The following CACNA1I variants were observed in gnomAD, a reference collection of about 807,000 sequenced individuals.
CACNA1I encodes voltage-dependent T-type calcium channel subunit alpha-1I.
CACNA1I carries 74 observed loss-of-function variants against 201.6 expected under a neutral mutation model. The observed-to-expected ratio is 0.37, with a 90% CI of 0.30 to 0.45. CACNA1I has a LOEUF of 0.45. Among genes scored for constraint, CACNA1I ranks in the 20% least tolerant of loss-of-function variants. The pLI is 1.00. For missense variants in CACNA1I, 2,346 were observed against 3,138.1 expected (o/e 0.75, Z 6.03); for synonymous variants, 1,431 against 1,345.2 (o/e 1.06, Z -1.40).
In CACNA1I at chr22:39,679,425, C is replaced by T. The variant is rs1273184900; in HGVS notation, c.5374C>T (p.Arg1792Cys). The change falls in exon 32 of 37, where the codon CGC (arginine) becomes TGC (cysteine). Residue 1792 changes from arginine (R) to cysteine (C), a missense_variant. Around this residue, in one of 13 missense-constraint regions of CACNA1I, gnomAD observed 441 missense variants for 555.6 expected, o/e 0.79. Transcript: ENST00000402142. ...GGDTEGGLCR[R>C]CYSPAQENLW... ...CGACACCGAGGGCGGCTTGTGCCGG[C>T]GCTGCTACTCGCCTGCCCAGGTGGG... is the stretch of plus-strand genomic sequence containing the variant. 37 of 1,424,560 alleles carry T rather than the reference C, an allele frequency of 2.6e-5. No individual in the cohort carries two copies. Among genetic ancestry groups the T allele is most frequent in the Non-Finnish European group, 3.0e-5 (33 of 1,102,088 alleles). The allele number at this position is 1,424,560 out of a possible 1,614,324, so 88.2% of individuals were successfully genotyped here. A position where few individuals can be genotyped will look rare whatever the true frequency, so the allele number is the denominator to read the frequency against.
intron 1 of CACNA1I, among the ~76,000 whole-genome samples, chr22:39,581,000 C>T (rs1932529588): frequency 6.6e-6 from 1 of 152,166 alleles, no homozygotes; most frequent in Non-Finnish European, 1.5e-5. Context: ...CGGTGGTGAC[C>T]CTAAGGAGTC....
At position 39,649,424 on chromosome 22, in the gene CACNA1I, G is replaced by A. The variant is rs914913371; in HGVS notation, c.1568-77G>A. Reference sequence around the variant, plus strand: ...AGACCTGTGGGCCTGGGAGCCAAGCGCACTCAGGGATGTGTCCCAGGGTGG... The same window carrying A: ...AGACCTGTGGGCCTGGGAGCCAAGCACACTCAGGGATGTGTCCCAGGGTGG... On this transcript the variant is annotated intron_variant, in intron 9 of 36. Transcript: ENST00000402142. The surrounding 1 kb of genome is among the most constrained non-coding windows in gnomAD (Gnocchi z 7.3). 7 of 1,373,084 alleles carry A rather than the reference G, an allele frequency of 5.1e-6. No homozygotes were observed. Among genetic ancestry groups the A allele is most frequent in the African/African-American group, 3.0e-5 (2 of 66,188 alleles). The allele number at this position is 1,373,084 out of a possible 1,614,324, so 85.1% of individuals were successfully genotyped here.
intron 26 of CACNA1I, among the ~76,000 whole-genome samples, chr22:39,671,929 G>A (rs1004491446): frequency 6.6e-6 from 1 of 152,154 alleles, no homozygotes; most frequent in Non-Finnish European, 1.5e-5. Flanking sequence ...AGGCAGTCTG[G>A]CTCAGTAGCT....
At chr22:39,585,699 T>TAAA (rs577223485) in intron 1 of CACNA1I, among the ~76,000 whole-genome samples, 2 of 90,434 alleles carry the variant, frequency 2.2e-5, no homozygotes, top group Non-Finnish European at 2.2e-5. Flanking sequence ...GCTGTAAACT[T>TAAA]AAAAAAAAAA....
At position 39,654,736 on chromosome 22, in the gene CACNA1I, G is replaced by A. The variant is rs947153513; in HGVS notation, c.1993-3416G>A. On this transcript the variant is annotated intron_variant, in intron 10 of 36. Coordinates refer to ENST00000402142, the MANE Select transcript of CACNA1I (RefSeq NM_021096.4). Reference sequence around the variant, plus strand: ...GGTGATGGCACTGGGGACGGATCCCGAAGGATGACTAGGAGTTCATCAGCG... The same window carrying A: ...GGTGATGGCACTGGGGACGGATCCCAAAGGATGACTAGGAGTTCATCAGCG... Among the ~76,000 whole-genome samples, 10 of 152,094 alleles carry A rather than the reference G, an allele frequency of 6.6e-5. 1 individual carries two copies. The highest frequency in any genetic ancestry group is 5.9e-4 in the Admixed American group (9 of 15,274).
chr22:39,678,996 G>C, intron 31 of CACNA1I, 111 bp from the exon 32 acceptor site: 1 of 795,670 alleles, frequency 1.3e-6, no homozygotes, highest in African/African-American at 1.7e-5. Flanking sequence ...GCCATCTCGG[G>C]GGTTGAATCT....
Position 39,649,637 on chromosome 22 carries a change from C to T in CACNA1I, c.1704C>T (p.Gly568=), listed in dbSNP as rs1206222878. 2.3e-5 allele frequency: 35 copies of T among 1,527,550 alleles called. 1 individual carries two copies. Among genetic ancestry groups the T allele is most frequent in the Middle Eastern group, 2.0e-4 (1 of 4,906 alleles). The allele number at this position is 1,527,550 out of a possible 1,614,324, so 94.6% of individuals were successfully genotyped here. ...HEDGRRPSGL[G]STDSGQEGSG... Reference sequence around the variant, plus strand: ...ACGGCCGGCGGCCCTCGGGCCTGGGCAGCACCGACTCGGGCCAGGAGGGCT... The same window carrying T: ...ACGGCCGGCGGCCCTCGGGCCTGGGTAGCACCGACTCGGGCCAGGAGGGCT... The change falls in exon 10 of 37, where the codon GGC becomes GGT. Residue 568 remains glycine, a synonymous_variant. Transcript: ENST00000402142. This position sits in a 1 kb window ranked among gnomAD's most constrained non-coding sequence, Gnocchi z 7.3.
rs772153082 is a variant in CACNA1I, at chr22:39,619,370, C to T, written c.543C>T (p.Arg181=). The part of the protein sequence containing the change: ...NINLSAIRTV[R]VLRPLKAINR... ...ACCTGTCAGCCATCCGCACCGTGCG[C>T]GTCCTGAGGCCCCTCAAAGCCATCA... is the stretch of plus-strand genomic sequence containing the variant. Residue 181 remains arginine, a synonymous_variant, in exon 4 of 37, where the codon CGC becomes CGT. Transcript: ENST00000402142. 20 of 1,609,424 alleles carry T rather than the reference C, an allele frequency of 1.2e-5. 1 individual carries two copies. The highest frequency in any genetic ancestry group is 5.5e-5 in the South Asian group (5 of 91,092).
intron 2 of CACNA1I, among the ~76,000 whole-genome samples, chr22:39,598,671 A>G (rs1406792187): frequency 6.6e-6 from 1 of 151,998 alleles, no homozygotes; most frequent in Non-Finnish European, 1.5e-5. Context: ...TACAACCTGC[A>G]CTTCGTCCCC....
chr22:39,627,601 C>T (rs1217550874), intron 4 of CACNA1I, among the ~76,000 whole-genome samples: 2 of 152,254 alleles, frequency 1.3e-5, no homozygotes, highest in Non-Finnish European at 2.9e-5. Flanking sequence ...CTCAGGATTC[C>T]TTCTTGGAAG....
rs1044927681 is a variant in CACNA1I at position 39,666,302 on chromosome 22, A to G, written c.4104+296A>G. 6.6e-6 allele frequency among the ~76,000 whole-genome samples: 1 copy of G among 151,614 alleles called. No homozygotes were observed. Among genetic ancestry groups the G allele is most frequent in the African/African-American group, 2.4e-5 (1 of 41,296 alleles). On this transcript the variant is annotated intron_variant, in intron 23 of 36. Coordinates refer to ENST00000402142, the MANE Select transcript of CACNA1I (RefSeq NM_021096.4). The surrounding 1 kb of genome is among the most constrained non-coding windows in gnomAD (Gnocchi z 4.1). ...CCCAGGGACCCCTGACAGGAGTTTT[A>G]GAATCAAGCAGTCCTGGAGGTGAAT...
chr22:39,601,205 C>T (rs1446227292), intron 3 of CACNA1I, among the ~76,000 whole-genome samples: 2 of 152,216 alleles, frequency 1.3e-5, no homozygotes, highest in African/African-American at 4.8e-5. Flanking sequence ...TGCATTCATC[C>T]ATCAACCAGG....
Position 39,686,232 on chromosome 22 carries a change from G to A in CACNA1I, c.6499G>A (p.Ala2167Thr). The change falls in exon 37 of 37, where the codon GCC (alanine) becomes ACC (threonine). Residue 2167 changes from alanine to threonine, a missense_variant. This residue lies in a region of CACNA1I where 187 missense variants were observed against 151.0 expected (regional missense o/e 1.24). Coordinates refer to ENST00000402142, the MANE Select transcript of CACNA1I (RefSeq NM_021096.4). ...CCTGGCCGCCCCCGGCCGCCCCCAC[G>A]CCGCCGCCCTGGCCCACGGCCTGGC... Reference protein sequence around the residue: ...SSLAAPGRPHAAALAHGLARS... With the variant: ...SSLAAPGRPHTAALAHGLARS... The A allele has an allele frequency of 8.1e-7, 1 of 1,232,464 alleles. No homozygotes were observed. Among genetic ancestry groups the A allele is most frequent in the Non-Finnish European group, 1.0e-6 (1 of 993,162 alleles). The allele number at this position is 1,232,464 out of a possible 1,614,324, so 76.3% of individuals were successfully genotyped here. A position where few individuals can be genotyped will look rare whatever the true frequency, so the allele number is the denominator to read the frequency against.
chr22:39,594,976 G>T (rs1045398023), intron 1 of CACNA1I, among the ~76,000 whole-genome samples: 4 of 152,188 alleles, frequency 2.6e-5, no homozygotes, highest in Admixed American at 6.5e-5. Context: ...TGTAAGAGAT[G>T]AGTAGCAACC....
In CACNA1I at chr22:39,679,850, T is replaced by G. The variant is rs1213081397; in HGVS notation, c.5523T>G (p.Cys1841Trp). 6.2e-7 allele frequency: 1 copy of G among 1,612,460 alleles called. No homozygotes were observed. The highest frequency in any genetic ancestry group is 1.3e-5 in the African/African-American group (1 of 75,016). The change falls in exon 33 of 37, where the codon TGT (cysteine) becomes TGG (tryptophan). Residue 1841 changes from cysteine to tryptophan, a missense_variant. Physicochemically the swap from Cys to Trp is radical, Grantham distance 215. Around this residue, in one of 13 missense-constraint regions of CACNA1I, gnomAD observed 441 missense variants for 555.6 expected, o/e 0.79. Transcript: ENST00000402142. ...HYSSPAGCKK[C>W]HHDKQEVQLA... ...CCTCGCCTGCCGGCTGCAAGAAGTG[T>G]CACCACGACAAGCAAGAGGTAATGG...
rs966723074 is a variant in CACNA1I, at chr22:39,686,516, C to T, written c.*111C>T. ...TCCACACCTGGGATCGCGCAGGGCC[C>T]GCAGGGCACAGGCGCCCGACAGCCG... On this transcript the variant is annotated 3_prime_UTR_variant, in exon 37 of 37. Transcript: ENST00000402142. 3.5e-5 allele frequency: 30 copies of T among 866,738 alleles called. No individual in the cohort carries two copies. Among genetic ancestry groups the T allele is most frequent in the Non-Finnish European group, 4.1e-5 (27 of 666,428 alleles). 53.7% of individuals were successfully genotyped at this position (866,738 alleles called of 1,614,324 possible). A position where few individuals can be genotyped will look rare whatever the true frequency, so the allele number is the denominator to read the frequency against.
chr22:39,672,178 C>T lies in CACNA1I; in HGVS notation c.4540-21C>T, dbSNP rs901692956. On this transcript the variant is annotated intron_variant, in intron 26 of 36. Coordinates refer to ENST00000402142, the MANE Select transcript of CACNA1I (RefSeq NM_021096.4). ...AGCAGGTCATGTGCCCTGGATCATG[C>T]TTCTCTTTGTTCCTCCATAGTCCCT... is the stretch of plus-strand genomic sequence containing the variant. 5 of 1,521,948 alleles carry T rather than the reference C, an allele frequency of 3.3e-6. No individual in the cohort carries two copies. In the Admixed American group the frequency reaches 5.0e-5, roughly 15 times the overall value. 94.3% of individuals were successfully genotyped at this position (1,521,948 alleles called of 1,614,324 possible). A position where few individuals can be genotyped will look rare whatever the true frequency, so the allele number is the denominator to read the frequency against.
chr22:39,640,535 G>A (rs971785862), intron 5 of CACNA1I, among the ~76,000 whole-genome samples: 1 of 152,232 alleles, frequency 6.6e-6, no homozygotes, highest in African/African-American at 2.4e-5. Flanking sequence ...CACCTGCTCT[G>A]TCTGTGCGAA....
In CACNA1I at chr22:39,659,224, G is replaced by A. The variant is rs1182783106; in HGVS notation, c.2330+108G>A. ...TCTCTGGACAAAGCCACCTGGACCT[G>A]GGTGTGAAGCCTGACACTGTTCCTC... On this transcript the variant is annotated intron_variant, in intron 12 of 36. Coordinates refer to ENST00000402142, the MANE Select transcript of CACNA1I (RefSeq NM_021096.4). This position sits in a 1 kb window ranked among gnomAD's most constrained non-coding sequence, Gnocchi z 4.3. 2.2e-6 allele frequency: 3 copies of A among 1,363,858 alleles called. No homozygotes were observed. The highest frequency in any genetic ancestry group is 2.4e-4 in the Middle Eastern group (1 of 4,100). 84.5% of individuals were successfully genotyped at this position (1,363,858 alleles called of 1,614,324 possible). A position where few individuals can be genotyped will look rare whatever the true frequency, so the allele number is the denominator to read the frequency against.
Sources: allele counts gnomAD v4.1 joint callset (sites outside exome capture counted in the v4.1 genomes callset), GRCh38; gene constraint gnomAD v4.1.1; regional missense constraint gnomAD v4.1.1; non-coding constraint Gnocchi (gnomAD v3.1); transcripts MANE v1.5; gene names NCBI Gene and HGNC (gene_info 2026-07-23, HGNC 2026-07-21).